Variants in ATAD1 observed in about 807,000 individuals in gnomAD.
ATAD1 encodes outer mitochondrial transmembrane helix translocase.
A neutral mutation model predicts 42.7 loss-of-function variants in ATAD1; 18 were observed. That is an observed-to-expected ratio of 0.42 (90% CI 0.29 to 0.63). The LOEUF (loss-of-function observed/expected upper bound fraction) is 0.63, where lower values mean the gene tolerates loss of function less well. Among genes scored for constraint, ATAD1 ranks in the 20% least tolerant of loss-of-function variants. ATAD1 has a pLI of 0.19. For synonymous variants in ATAD1, 132 were observed against 143.1 expected, an observed-to-expected ratio of 0.92 and a Z score of 0.55; for missense variants, 294 against 440.4, an observed-to-expected ratio of 0.67 and a Z score of 2.98.
chr10:87,836,383 A>C (rs999949555), intron 1 of ATAD1, among the ~76,000 whole-genome samples: 2 of 152,192 alleles, frequency 1.3e-5, no homozygotes, highest in African/African-American at 4.8e-5. Context: ...CTGACAACAA[A>C]TTATCTTTGT....
intron 2 of ATAD1, among the ~76,000 whole-genome samples, chr10:87,802,303 T>A (rs1202883557): frequency 6.6e-6 from 1 of 152,154 alleles, no homozygotes; most frequent in Non-Finnish European, 1.5e-5. Flanking sequence ...ATCTACACAG[T>A]CCCTGTACAG....
chr10:87,753,969 TAAC>T lies in ATAD1; in HGVS notation c.*715_*717del, dbSNP rs952839013. Reference sequence around the variant, plus strand: ...AATCAGTGTTGAGCACATGGCTGCCTAACAACCATTCAATGCTGATCACTGAAC... The same window carrying T: ...AATCAGTGTTGAGCACATGGCTGCCTAACCATTCAATGCTGATCACTGAAC... On this transcript the variant is annotated 3_prime_UTR_variant, in exon 10 of 10. Coordinates refer to ENST00000680024, the MANE Select transcript of ATAD1 (RefSeq NM_001321967.2). 6.6e-6 allele frequency: 1 copy of T among 152,272 alleles called. No individual in the cohort carries two copies. Among genetic ancestry groups the T allele is most frequent in the African/African-American group, 2.4e-5 (1 of 41,468 alleles). 9.4% of individuals were successfully genotyped at this position (152,272 alleles called of 1,614,324 possible).
Position 87,784,674 on chromosome 10 carries a change from G to T in ATAD1, c.383-4C>A. 6.2e-7 allele frequency: 1 copy of T among 1,611,128 alleles called. No individual in the cohort carries two copies. The highest frequency in any genetic ancestry group is 8.5e-7 in the Non-Finnish European group (1 of 1,178,960). Reference sequence around the variant, plus strand: ...GGAGGCCCATAGAGAAGAACACCTGGAAATGAATATGTTATTTATTACCTT... The same window carrying T: ...GGAGGCCCATAGAGAAGAACACCTGTAAATGAATATGTTATTTATTACCTT... On this transcript the variant is annotated splice_region_variant and splice_polypyrimidine_tract_variant and intron_variant, in intron 4 of 9. Transcript: ENST00000680024.
intron 8 of ATAD1, among the ~76,000 whole-genome samples, chr10:87,766,794 G>C (rs1233681294): frequency 6.6e-6 from 1 of 151,292 alleles, no homozygotes; most frequent in Non-Finnish European, 1.5e-5. Context: ...CTGGACTACA[G>C]AGTGACACTC....
intron 1 of ATAD1, among the ~76,000 whole-genome samples, chr10:87,816,733 C>T (rs1421845579): frequency 1.3e-5 from 2 of 152,142 alleles, no homozygotes; most frequent in East Asian, 3.8e-4. Context: ...CTTTTCTAGT[C>T]TTTATTCCAC....
Position 87,784,596 on chromosome 10 carries a change from G to A in ATAD1, c.457C>T (p.Arg153Ter), listed in dbSNP as rs1237396309. 1.2e-6 allele frequency: 2 copies of A among 1,613,360 alleles called. No individual in the cohort carries two copies. The highest frequency in any genetic ancestry group is 1.7e-6 in the Non-Finnish European group (2 of 1,179,888). ...AKATAKEAGC[R>*]FINLQPSTLT... ...GTCGAAGGCTGAAGGTTAATAAATCGACAGCCTGCTTCTTTGGCTGTGGCC... is the reference window on the plus strand; with the variant it reads ...GTCGAAGGCTGAAGGTTAATAAATCAACAGCCTGCTTCTTTGGCTGTGGCC... The change falls in exon 5 of 10, where the codon CGA becomes TGA. Residue 153 changes from arginine (R) to a stop codon, truncating the protein, a stop_gained. Transcript: ENST00000680024. LOFTEE classifies it high-confidence loss of function.
At position 87,752,583 on chromosome 10, in the gene ATAD1, C is replaced by G. The variant is rs1357642546; in HGVS notation, c.*2104G>C. On this transcript the variant is annotated 3_prime_UTR_variant, in exon 10 of 10. Coordinates refer to ENST00000680024, the MANE Select transcript of ATAD1 (RefSeq NM_001321967.2). ...GGAGCCTGAGTTTAAATTCAGGAAGCCTGATTCTAGATCCAGTACTCTGAA... is the reference window on the plus strand; with the variant it reads ...GGAGCCTGAGTTTAAATTCAGGAAGGCTGATTCTAGATCCAGTACTCTGAA... The G allele has an allele frequency of 1.3e-5, 2 of 152,152 alleles. No individual in the cohort carries two copies. Among genetic ancestry groups the G allele is most frequent in the Non-Finnish European group, 2.9e-5 (2 of 67,992 alleles). 9.4% of individuals were successfully genotyped at this position (152,152 alleles called of 1,614,324 possible). A position where few individuals can be genotyped will look rare whatever the true frequency, so the allele number is the denominator to read the frequency against.
intron 4 of ATAD1, among the ~76,000 whole-genome samples, chr10:87,788,045 G>GA (rs541158438): frequency 1.1e-3 from 173 of 152,186 alleles, no homozygotes; most frequent in East Asian, 4.8e-3. Flanking sequence ...ACGTTTGAGG[G>GA]AAAAAAATCA....
chr10:87,770,907 A>C (rs769473509), intron 7 of ATAD1, 45 bp downstream of exon 7: 1 of 1,530,904 alleles, frequency 6.5e-7, no homozygotes, highest in Non-Finnish European at 9.0e-7. Flanking sequence ...GACCTATAAA[A>C]AGGTGAGTAT....
intron 8 of ATAD1, among the ~76,000 whole-genome samples, chr10:87,759,103 CT>C: frequency 6.6e-6 from 1 of 152,178 alleles, no homozygotes; most frequent in South Asian, 2.1e-4. Flanking sequence ...ATTCTCTTTC[CT>C]TTGTAGTTTT....
At chr10:87,779,781 T>C (rs1035627726) in intron 5 of ATAD1, among the ~76,000 whole-genome samples, 3 of 152,208 alleles carry the variant, frequency 2.0e-5, no homozygotes, top group Non-Finnish European at 4.4e-5. Flanking sequence ...TAGATACCTA[T>C]ATATCTATTA....
At chr10:87,829,409 C>T (rs1174721770) in intron 1 of ATAD1, among the ~76,000 whole-genome samples, 6 of 152,034 alleles carry the variant, frequency 3.9e-5, no homozygotes, top group South Asian at 4.1e-4. Flanking sequence ...GCACGTGCCA[C>T]GATGCCCAGC....
chr10:87,801,245 T>C (rs1856676997), intron 2 of ATAD1, among the ~76,000 whole-genome samples: 1 of 152,242 alleles, frequency 6.6e-6, no homozygotes, highest in Non-Finnish European at 1.5e-5. Context: ...GTGAAATGAA[T>C]GACTTATTTT....
intron 4 of ATAD1, among the ~76,000 whole-genome samples, chr10:87,788,313 C>A (rs941937959): frequency 5.9e-5 from 9 of 152,168 alleles, no homozygotes; most frequent in African/African-American, 2.2e-4. Context: ...ACCTAGGTAA[C>A]CTAGTTCCAG....
At chr10:87,778,178 T>TAAAAAAAAAAAAAA (rs377243162) in intron 5 of ATAD1, among the ~76,000 whole-genome samples, 1 of 88,758 alleles carries the variant, frequency 1.1e-5, no homozygotes, top group African/African-American at 4.2e-5. Flanking sequence ...TAGAATAAAT[T>TAAAAAAAAAAAAAA]AAAAAAAAAA....
chr10:87,772,166 A>G (rs920750621), intron 6 of ATAD1, among the ~76,000 whole-genome samples: 2 of 152,160 alleles, frequency 1.3e-5, no homozygotes, highest in African/African-American at 2.4e-5. Flanking sequence ...TGGTCCTAAA[A>G]TCAAAATATT....
intron 2 of ATAD1, among the ~76,000 whole-genome samples, chr10:87,796,851 T>C (rs1018494772): frequency 6.6e-6 from 1 of 152,170 alleles, no homozygotes; most frequent in Non-Finnish European, 1.5e-5. Flanking sequence ...TAACACCTGA[T>C]CTCCCAAAAT....
At chr10:87,771,100 G>C in intron 6 of ATAD1, 59 bp from the exon 7 acceptor site, 1 of 1,301,314 alleles carries the variant, frequency 7.7e-7, no homozygotes, top group Admixed American at 1.9e-5. Context: ...CTCTGAGAAT[G>C]TTATTACTAG....
At chr10:87,792,585 G>T in intron 3 of ATAD1, 72 bp downstream of exon 3, 2 of 1,139,878 alleles carry the variant, frequency 1.8e-6, no homozygotes, top group South Asian at 1.3e-5. Flanking sequence ...TGATCTTTAA[G>T]ACCCCTGACA....
Sources: gnomAD v4.1 joint callset for allele counts (sites outside exome capture counted in the v4.1 genomes callset) on GRCh38, gnomAD v4.1.1 for gene constraint, MANE v1.5 for transcripts, NCBI Gene and HGNC (gene_info 2026-07-23, HGNC 2026-07-21) for gene names.